The following LATS1 variants were observed in gnomAD, a reference collection of about 807,000 sequenced individuals.
The protein encoded by LATS1 is serine/threonine-protein kinase LATS1.
In LATS1, 25 loss-of-function variants were observed where a neutral mutation model predicts 106.6. The ratio of observed to expected loss-of-function variants is 0.23; its 90% CI spans 0.17 to 0.33. The LOEUF (loss-of-function observed/expected upper bound fraction) is 0.33, where lower values mean the gene tolerates loss of function less well. LATS1 is among the 10% of genes least tolerant of loss of function. LATS1 has a pLI of 1.00. For missense variants in LATS1, 1,040 were observed against 1,382.6 expected, an observed-to-expected ratio of 0.75 and a Z score of 3.93; for synonymous variants, 465 against 455.6, an observed-to-expected ratio of 1.02 and a Z score of -0.26.
chr6:149,714,819 TGA>T (rs962075209), intron 1 of LATS1, among the ~76,000 whole-genome samples: 5 of 152,174 alleles, frequency 3.3e-5, no homozygotes, highest in African/African-American at 1.2e-4. Flanking sequence ...TGAATAAGGC[TGA>T]GACTCAAACT....
intron 4 of LATS1, among the ~76,000 whole-genome samples, chr6:149,682,110 CA>C (rs371480554): frequency 1.1e-3 from 139 of 120,972 alleles, no homozygotes; most frequent in Non-Finnish European, 1.0e-3. Context: ...GATGTCGTCT[CA>C]AAAAAAAAAA....
chr6:149,713,566 GATTA>G (rs1300528249), intron 1 of LATS1, among the ~76,000 whole-genome samples: 1 of 152,138 alleles, frequency 6.6e-6, no homozygotes, highest in African/African-American at 2.4e-5. Context: ...AAAGTGCTGC[GATTA>G]CAGGTGTGAG....
At chr6:149,704,885 TATACACACACAC>T (rs1244765046) in intron 1 of LATS1, among the ~76,000 whole-genome samples, 6 of 64,048 alleles carry the variant, frequency 9.4e-5, no homozygotes, top group African/African-American at 3.7e-4. Context: ...AGAAATTAAT[TATACACACACAC>T]ACACACACAC....
intron 2 of LATS1, among the ~76,000 whole-genome samples, chr6:149,695,673 T>C (rs1486194006): frequency 1.8e-5 from 2 of 111,104 alleles, no homozygotes; most frequent in African/African-American, 8.4e-5. Flanking sequence ...AGATGCTGTC[T>C]TGGAAAAAAA....
At chr6:149,691,880 A>G (rs1199629235) in intron 3 of LATS1, among the ~76,000 whole-genome samples, 2 of 152,150 alleles carry the variant, frequency 1.3e-5, no homozygotes, top group East Asian at 3.9e-4. Flanking sequence ...TCATCCATCT[A>G]TTTTTCTAAG....
intron 1 of LATS1, among the ~76,000 whole-genome samples, chr6:149,711,912 C>T (rs1202340800): frequency 4.0e-5 from 6 of 151,842 alleles, no homozygotes; most frequent in African/African-American, 7.3e-5. Context: ...TTGTGTACTG[C>T]GGTGAGTGAG....
At chr6:149,685,160 C>A (rs889300648) in intron 3 of LATS1, among the ~76,000 whole-genome samples, 1 of 151,962 alleles carries the variant, frequency 6.6e-6, no homozygotes. Flanking sequence ...ATTGCATGAA[C>A]CAAGAAGGCC....
In LATS1 at chr6:149,693,412, C is replaced by A. The variant is rs1008328705; in HGVS notation, c.496+1662G>T. 3.3e-5 allele frequency among the ~76,000 whole-genome samples: 5 copies of A among 151,866 alleles called. No homozygotes were observed. The East Asian group carries it at 9.8e-4, about 30-fold the overall frequency. On this transcript the variant is annotated intron_variant, in intron 3 of 7. Transcript: ENST00000543571. ...AGATCACGAGGTCAGGAGTTCAAGACCAGCATGGCCAAGATGGTGAAACCC... is the reference window on the plus strand; with the variant it reads ...AGATCACGAGGTCAGGAGTTCAAGAACAGCATGGCCAAGATGGTGAAACCC...
chr6:149,664,857 A>AT (rs1434954474), intron 7 of LATS1, among the ~76,000 whole-genome samples: 3 of 152,110 alleles, frequency 2.0e-5, no homozygotes, highest in Admixed American at 6.6e-5. Flanking sequence ...ACCCAGCTCC[A>AT]TTTTTTTGTC....
chr6:149,670,615 TG>T (rs1340702214), intron 7 of LATS1, among the ~76,000 whole-genome samples: 1 of 151,978 alleles, frequency 6.6e-6, no homozygotes, highest in African/African-American at 2.4e-5. Context: ...TCCAAAAATT[TG>T]AGGTTGTCTA....
Position 149,698,427 on chromosome 6 carries a change from G to A in LATS1, c.349-3206C>T, listed in dbSNP as rs567866508. ...CCTGGCTGATTTTTAACTTTTTTTT[G>A]TAGAGACAGGGTCTCACTATGTTGC... On this transcript the variant is annotated intron_variant, in intron 2 of 7. Coordinates refer to ENST00000543571, the MANE Select transcript of LATS1 (RefSeq NM_004690.4). Among the ~76,000 whole-genome samples, 16 of 151,556 alleles carry A rather than the reference G, an allele frequency of 1.1e-4. 1 individual carries two copies. Among genetic ancestry groups the A allele is most frequent in the Non-Finnish European group, 2.9e-5 (2 of 67,914 alleles).
Position 149,658,795 on chromosome 6 carries a change from T to C in LATS1, c.*2934A>G, listed in dbSNP as rs888919941. 1 of 152,222 alleles carries C rather than the reference T, an allele frequency of 6.6e-6. No homozygotes were observed. The highest frequency in any genetic ancestry group is 2.4e-5 in the African/African-American group (1 of 41,464). The allele number at this position is 152,222 out of a possible 1,614,324, so 9.4% of individuals were successfully genotyped here. On this transcript the variant is annotated 3_prime_UTR_variant, in exon 8 of 8. Coordinates refer to ENST00000543571, the MANE Select transcript of LATS1 (RefSeq NM_004690.4). ...AAAGATACAGCAGTAGGGCCTGCCT[T>C]ATGATGTCACTGGACAATGCATAAC...
intron 3 of LATS1, among the ~76,000 whole-genome samples, chr6:149,693,292 AT>A (rs1243957942): frequency 6.7e-6 from 1 of 150,216 alleles, no homozygotes; most frequent in Non-Finnish European, 1.5e-5. Flanking sequence ...AAAAAAAAAA[AT>A]TAAAAGAGGT....
At chr6:149,709,668 CTTTTTTTTTTTT>C (rs142425039) in intron 1 of LATS1, among the ~76,000 whole-genome samples, 4 of 75,504 alleles carry the variant, frequency 5.3e-5, no homozygotes, top group South Asian at 5.4e-4. Context: ...AACCCCTTAT[CTTTTTTTTTTTT>C]TTTTTTTTTT....
chr6:149,664,463 A>ACACATAGG (rs1372222179), intron 7 of LATS1, among the ~76,000 whole-genome samples: 1 of 152,222 alleles, frequency 6.6e-6, no homozygotes, highest in African/African-American at 2.4e-5. Flanking sequence ...AAAGAAAACT[A>ACACATAGG]CACATAGGCA....
Position 149,661,958 on chromosome 6 carries a change from T to G in LATS1, c.3164A>C (p.Glu1055Ala). Residue 1055 changes from glutamate (E) to alanine (A), a missense_variant, in exon 8 of 8, where the codon GAA becomes GCA. This residue lies in a region of LATS1 where 113 missense variants were observed against 146.3 expected (regional missense o/e 0.77). Transcript: ENST00000543571. ...TCCATTGAGAGTGTCATTTACATTT[T>G]CTTCCTCGTTATCATCACTCCATAA... Reference protein sequence around the residue: ...DKLWSDDNEEENVNDTLNGWY... With the variant: ...DKLWSDDNEEANVNDTLNGWY... 1.2e-6 allele frequency: 2 copies of G among 1,614,146 alleles called. No homozygotes were observed. Among genetic ancestry groups the G allele is most frequent in the South Asian group, 1.1e-5 (1 of 91,078 alleles).
intron 1 of LATS1, among the ~76,000 whole-genome samples, chr6:149,711,829 CA>C (rs567195295): frequency 7.9e-5 from 12 of 152,280 alleles, no homozygotes; most frequent in African/African-American, 2.6e-4. Context: ...TAGGAGATTT[CA>C]GATTATAGAT....
In LATS1 at chr6:149,659,788, G is replaced by A. The variant is rs1780822570; in HGVS notation, c.*1941C>T. The A allele has an allele frequency of 4.4e-6, 1 of 225,902 alleles. No individual in the cohort carries two copies. The highest frequency in any genetic ancestry group is 5.7e-5 in the Admixed American group (1 of 17,538). The allele number at this position is 225,902 out of a possible 1,614,324, so 14.0% of individuals were successfully genotyped here. A position where few individuals can be genotyped will look rare whatever the true frequency, so the allele number is the denominator to read the frequency against. Reference sequence around the variant, plus strand: ...CCAAATGTTCCATGAACCATGAGGTGAAGACTGCGATTTCATGATAGCACA... The same window carrying A: ...CCAAATGTTCCATGAACCATGAGGTAAAGACTGCGATTTCATGATAGCACA... On this transcript the variant is annotated 3_prime_UTR_variant, in exon 8 of 8. Coordinates refer to ENST00000543571, the MANE Select transcript of LATS1 (RefSeq NM_004690.4).
intron 1 of LATS1, among the ~76,000 whole-genome samples, chr6:149,714,615 G>GA (rs201271275): frequency 6.9e-4 from 104 of 150,480 alleles, no homozygotes; most frequent in Admixed American, 1.6e-3. Context: ...TTAAGAAGAA[G>GA]AAAAAAAAAC....
Sources: gnomAD v4.1 joint callset for allele counts (sites outside exome capture counted in the v4.1 genomes callset) on GRCh38, gnomAD v4.1.1 for gene constraint, gnomAD v4.1.1 regional missense constraint, MANE v1.5 for transcripts, NCBI Gene and HGNC (gene_info 2026-07-23, HGNC 2026-07-21) for gene names.